Variants in RYR2 observed in about 807,000 individuals in gnomAD.
RYR2 encodes ryanodine receptor 2, also known as cardiac muscle ryanodine receptor-calcium release channel.
Under a neutral mutation model 601.1 loss-of-function variants are expected in RYR2, and 227 were observed. That is an observed-to-expected ratio of 0.38 (90% confidence interval 0.34 to 0.42). The LOEUF is 0.42. Among genes scored for constraint, RYR2 ranks in the 10% least tolerant of loss-of-function variants. The pLI is 1.00. For missense variants in RYR2, 4,646 were observed against 6,156.5 expected (o/e 0.75, Z 8.21); for synonymous variants, 2,223 against 2,175.1 (o/e 1.02, Z -0.61).
At chr1:237,068,370 A>T (rs995878613) in intron 1 of RYR2, among the ~76,000 whole-genome samples, 3 of 152,148 alleles carry the variant, frequency 2.0e-5, no homozygotes, top group Non-Finnish European at 4.4e-5. Flanking sequence ...ATAGCTAATG[A>T]AATGTTCTTA....
chr1:237,518,254 T>G (rs1666753224), intron 24 of RYR2, among the ~76,000 whole-genome samples: 2 of 151,860 alleles, frequency 1.3e-5, no homozygotes, highest in African/African-American at 4.8e-5. Flanking sequence ...TTTCTATTGT[T>G]TTTTTTTGCC....
chr1:237,610,347 A>G lies in RYR2; in HGVS notation c.4684-415A>G, dbSNP rs778739534. On this transcript the variant is annotated intron_variant, in intron 35 of 104. Transcript: ENST00000366574. This position sits in a 1 kb window ranked among gnomAD's most constrained non-coding sequence, Gnocchi z 4.9. The stretch of plus-strand genomic sequence containing the variant: ...GGACGAGTTGGGTGACAGAGAACAG[A>G]TATTGAGAGAGAGAGCCAGGGGGAT... Among the ~76,000 whole-genome samples the G allele has an allele frequency of 6.6e-6, 1 of 152,210 alleles. No homozygotes were observed. The highest frequency in any genetic ancestry group is 1.5e-5 in the Non-Finnish European group (1 of 68,036).
intron 1 of RYR2, among the ~76,000 whole-genome samples, chr1:237,116,401 G>A (rs73117615): frequency 0.031 from 4,760 of 152,146 alleles, 200 homozygotes; most frequent in African/African-American, 0.1. Context: ...GGATGTTCTC[G>A]TCTCATGCAG....
At chr1:237,335,275 T>G (rs551329479) in intron 3 of RYR2, among the ~76,000 whole-genome samples, 1 of 152,346 alleles carries the variant, frequency 6.6e-6, no homozygotes, top group East Asian at 1.9e-4. Flanking sequence ...TGGCTATTCC[T>G]TTTATCTTAA....
At chr1:237,642,940 C>T (rs1322359922) in intron 47 of RYR2, among the ~76,000 whole-genome samples, 3 of 152,124 alleles carry the variant, frequency 2.0e-5, no homozygotes, top group Non-Finnish European at 4.4e-5. Context: ...TGTTCAGAGT[C>T]TAATGATAAT....
At chr1:237,500,109 G>A (rs138476546) in intron 20 of RYR2, among the ~76,000 whole-genome samples, 3 of 152,012 alleles carry the variant, frequency 2.0e-5, no homozygotes, top group Non-Finnish European at 4.4e-5. Context: ...AATAAGCAAC[G>A]TGCTGCAGGA....
chr1:237,513,787 T>C lies in RYR2; in HGVS notation c.2822+1996T>C, dbSNP rs1666148753. Among the ~76,000 whole-genome samples the C allele has an allele frequency of 2.0e-5, 3 of 152,220 alleles. No homozygotes were observed. The South Asian group carries it at 6.2e-4, about 31-fold the overall frequency. On this transcript the variant is annotated intron_variant, in intron 24 of 104. Transcript: ENST00000366574. ...TAGTAGGCTCTACGATCTAGGTTTG[T>C]ACGAATATACTCTATAATGTTCACA...
At chr1:237,204,514 A>T (rs199547060) in intron 1 of RYR2, among the ~76,000 whole-genome samples, 7 of 151,756 alleles carry the variant, frequency 4.6e-5, no homozygotes, top group South Asian at 4.2e-4. Context: ...AAAAAAAAAA[A>T]AAAAGAAAGA....
intron 62 of RYR2, among the ~76,000 whole-genome samples, chr1:237,684,461 T>TGAG (rs1234782503): frequency 6.6e-6 from 1 of 151,606 alleles, no homozygotes; most frequent in Non-Finnish European, 1.5e-5. Context: ...GCAGCTGGGG[T>TGAG]GAGAAACAGG....
At chr1:237,313,569 A>G (rs1000691397) in intron 2 of RYR2, among the ~76,000 whole-genome samples, 1 of 152,206 alleles carries the variant, frequency 6.6e-6, no homozygotes, top group Non-Finnish European at 1.5e-5. Context: ...GCGAGCTTCC[A>G]GAAAGAATCA....
intron 14 of RYR2, among the ~76,000 whole-genome samples, chr1:237,447,066 T>C (rs1657442131): frequency 6.6e-6 from 1 of 152,194 alleles, no homozygotes; most frequent in Admixed American, 6.5e-5. Flanking sequence ...TTTGAAATTG[T>C]CGATTTTATA....
At chr1:237,503,206 C>CA in intron 21 of RYR2, 83 bp from the exon 22 acceptor site, 2 of 1,279,922 alleles carry the variant, frequency 1.6e-6, no homozygotes, top group Non-Finnish European at 2.2e-6. Context: ...TTTGTACTAA[C>CA]AATTTTTCCC....
At position 237,700,088 on chromosome 1, in the gene RYR2, T is replaced by C. The variant is rs978805115; in HGVS notation, c.9129-141T>C. The C allele has an allele frequency of 6.6e-6, 4 of 603,266 alleles. No individual in the cohort carries two copies. The African/African-American group carries it at 7.4e-5, about 11-fold the overall frequency. The allele number at this position is 603,266 out of a possible 1,614,324, so 37.4% of individuals were successfully genotyped here. ...TGTAACTTCAAGTATATTGAAAAAA[T>C]TTGTTTTAGAGTTGATTTTAAAAGT... On this transcript the variant is annotated intron_variant, in intron 64 of 104. Coordinates refer to ENST00000366574, the MANE Select transcript of RYR2 (RefSeq NM_001035.3).
chr1:237,458,191 G>A (rs1659061768), intron 16 of RYR2, among the ~76,000 whole-genome samples: 2 of 152,174 alleles, frequency 1.3e-5, no homozygotes, highest in South Asian at 4.1e-4. Context: ...ACTTTGGGAG[G>A]CTGAGGCAGC....
intron 1 of RYR2, among the ~76,000 whole-genome samples, chr1:237,125,174 G>A (rs866557465): frequency 2.6e-5 from 4 of 152,274 alleles, no homozygotes; most frequent in Middle Eastern, 3.4e-3. Context: ...TGTAAGATAC[G>A]AAACTGGTGG....
chr1:237,498,631 C>T (rs1664319398), intron 20 of RYR2, among the ~76,000 whole-genome samples: 1 of 150,996 alleles, frequency 6.6e-6, no homozygotes, highest in African/African-American at 2.4e-5. Flanking sequence ...TCTCTCCATA[C>T]AATAACATAT....
Position 237,420,227 on chromosome 1 carries a change from G to A in RYR2, c.849-2865G>A, listed in dbSNP as rs568134966. 1.1e-4 allele frequency among the ~76,000 whole-genome samples: 17 copies of A among 152,162 alleles called. 1 individual carries two copies. The South Asian group carries it at 2.7e-3, about 24-fold the overall frequency. ...TATTTTACTCCAGGCAAAATTATAG[G>A]GATATTGTAAGTGAGATATGTGTTA... On this transcript the variant is annotated intron_variant, in intron 11 of 104. Coordinates refer to ENST00000366574, the MANE Select transcript of RYR2 (RefSeq NM_001035.3).
intron 97 of RYR2, among the ~76,000 whole-genome samples, chr1:237,798,414 A>ATT (rs1349904916): frequency 6.6e-6 from 1 of 151,872 alleles, no homozygotes; most frequent in East Asian, 1.9e-4. Flanking sequence ...CAGAAAGACT[A>ATT]TGTTTTTTAC....
At chr1:237,801,995 G>GTTAT in intron 98 of RYR2, 79 bp downstream of exon 98, 1 of 830,892 alleles carries the variant, frequency 1.2e-6, no homozygotes, top group Non-Finnish European at 2.0e-6. Flanking sequence ...TGGAAGGCTG[G>GTTAT]TTATTTAGAA....
Sources: gnomAD v4.1 joint callset for allele counts (sites outside exome capture counted in the v4.1 genomes callset) on GRCh38, gnomAD v4.1.1 for gene constraint, Gnocchi (gnomAD v3.1) non-coding constraint, MANE v1.5 for transcripts, NCBI Gene and HGNC (gene_info 2026-07-23, HGNC 2026-07-21) for gene names.